The following TTLL11 variants were observed in gnomAD, a reference collection of about 807,000 sequenced individuals.
TTLL11 encodes the protein tubulin polyglutamylase TTLL11.
TTLL11 carries 42 observed loss-of-function variants against 51.7 expected under a neutral mutation model. The ratio of observed to expected loss-of-function variants is 0.81; its 90% CI spans 0.64 to 1.05. TTLL11 has a LOEUF of 1.05. Among genes scored for constraint, TTLL11 ranks in the 50% least tolerant of loss-of-function variants. The pLI, the probability that TTLL11 is intolerant of heterozygous loss-of-function variation, is 0.00. For missense variants in TTLL11, 799 were observed against 940.4 expected, an observed-to-expected ratio of 0.85 and a Z score of 1.97; for synonymous variants, 381 against 383.5, an observed-to-expected ratio of 0.99 and a Z score of 0.08.
intron 6 of TTLL11, among the ~76,000 whole-genome samples, chr9:121,914,438 C>T (rs1191572041): frequency 6.6e-6 from 1 of 152,190 alleles, no homozygotes; most frequent in Non-Finnish European, 1.5e-5. Flanking sequence ...CATGGAATGA[C>T]GGTTGATGAA....
intron 2 of TTLL11, among the ~76,000 whole-genome samples, chr9:122,032,873 C>T (rs1844593752): frequency 6.7e-6 from 1 of 150,264 alleles, no homozygotes; most frequent in Admixed American, 6.6e-5. Context: ...CAGCTCATTG[C>T]AACCTCCACC....
chr9:121,911,714 C>T (rs985457492), intron 6 of TTLL11, among the ~76,000 whole-genome samples: 4 of 152,016 alleles, frequency 2.6e-5, no homozygotes, highest in South Asian at 2.1e-4. Context: ...CGTGTTCTCA[C>T]GGGTGGGAGT....
At chr9:121,977,696 C>T (rs1372175029) in intron 4 of TTLL11, among the ~76,000 whole-genome samples, 2 of 132,118 alleles carry the variant, frequency 1.5e-5, no homozygotes, top group African/African-American at 2.8e-5. Context: ...TTTTTTGAGA[C>T]AGAGTTTCTC....
chr9:121,996,467 A>G (rs1013741950), intron 3 of TTLL11, among the ~76,000 whole-genome samples: 1 of 152,070 alleles, frequency 6.6e-6, no homozygotes, highest in Non-Finnish European at 1.5e-5. Flanking sequence ...ACACACAGAC[A>G]CACACACACA....
chr9:121,917,475 A>AGAAAGAAAATAAAAG (rs1554768583), intron 6 of TTLL11, among the ~76,000 whole-genome samples: 103 of 136,730 alleles, frequency 7.5e-4, no homozygotes, highest in African/African-American at 2.7e-3. Context: ...CACTGTTGAA[A>AGAAAGAAAATAAAAG]GAAAGAAAAG....
chr9:122,062,823 A>G (rs1845473481), intron 1 of TTLL11, among the ~76,000 whole-genome samples: 1 of 152,068 alleles, frequency 6.6e-6, no homozygotes, highest in Non-Finnish European at 1.5e-5. Context: ...TCTATTAGCC[A>G]TGCTGGAGTG....
At position 121,860,066 on chromosome 9, in the gene TTLL11, A is replaced by G. The variant is rs116696161; in HGVS notation, c.1840+271T>C. 4.0e-3 allele frequency among the ~76,000 whole-genome samples: 614 copies of G among 152,360 alleles called. 5 individuals are homozygous for G. Among genetic ancestry groups the G allele is most frequent in the African/African-American group, 0.014 (591 of 41,588 alleles). ...AGCATCTGCTCAGGAAATGTGTGTGAGGGGTGAACAAATGAATGAATAACT... is the reference window on the plus strand; with the variant it reads ...AGCATCTGCTCAGGAAATGTGTGTGGGGGGTGAACAAATGAATGAATAACT... On this transcript the variant is annotated intron_variant, in intron 8 of 8. Transcript: ENST00000321582.
Position 121,845,759 on chromosome 9 carries a change from A to G in TTLL11, c.1840+14578T>C, listed in dbSNP as rs1466994435. 2.0e-5 allele frequency among the ~76,000 whole-genome samples: 3 copies of G among 152,202 alleles called. No homozygotes were observed. The East Asian group carries it at 5.8e-4, about 29-fold the overall frequency. ...AAACTCTAGGATAATGACTATTTTTAAAAAGGAGTATAATTGCTAAGCTAA... is the reference window on the plus strand; with the variant it reads ...AAACTCTAGGATAATGACTATTTTTGAAAAGGAGTATAATTGCTAAGCTAA... On this transcript the variant is annotated intron_variant, in intron 8 of 8. Coordinates refer to ENST00000321582, the MANE Select transcript of TTLL11 (RefSeq NM_001139442.2).
chr9:121,943,316 G>A lies in TTLL11; in HGVS notation c.1481+30693C>T, dbSNP rs138023002. On this transcript the variant is annotated intron_variant, in intron 6 of 8. Transcript: ENST00000321582. ...CCCTTCTCAGAAACAGGCATGAGTA[G>A]CCTGGCTCTTCTTAGGCGTACGGAC... Among the ~76,000 whole-genome samples, 617 of 152,248 alleles carry A rather than the reference G, an allele frequency of 4.1e-3. 4 individuals carry two copies. Among genetic ancestry groups the A allele is most frequent in the Non-Finnish European group, 4.9e-3 (332 of 68,024 alleles).
At chr9:121,940,551 C>T (rs964629398) in intron 6 of TTLL11, among the ~76,000 whole-genome samples, 1 of 151,986 alleles carries the variant, frequency 6.6e-6, no homozygotes, top group Non-Finnish European at 1.5e-5. Flanking sequence ...TTGGGTTTCA[C>T]TATGTCTCGA....
intron 6 of TTLL11, among the ~76,000 whole-genome samples, chr9:121,971,007 CGGGAGGGAGGTGGGGGGGT>C (rs1842531959): frequency 6.1e-5 from 9 of 146,358 alleles, no homozygotes; most frequent in Admixed American, 6.1e-4. Flanking sequence ...CCGCCCCATC[CGGGAGGGAGGTGGGGGGGT>C]CAGCCCCCCG....
intron 3 of TTLL11, among the ~76,000 whole-genome samples, chr9:122,004,170 C>T (rs1227292209): frequency 6.6e-6 from 1 of 151,908 alleles, no homozygotes; most frequent in Non-Finnish European, 1.5e-5. Flanking sequence ...GGTTATCTAA[C>T]CAAAGGGTGA....
intron 1 of TTLL11, among the ~76,000 whole-genome samples, chr9:122,091,644 A>G (rs1010979781): frequency 1.3e-5 from 2 of 152,306 alleles, no homozygotes; most frequent in East Asian, 1.9e-4. Context: ...CATCTACCAT[A>G]GCCAAGGCAC....
chr9:122,072,765 C>T (rs1452378282), intron 1 of TTLL11, among the ~76,000 whole-genome samples: 1 of 152,174 alleles, frequency 6.6e-6, no homozygotes. Context: ...AGATCCAGCT[C>T]AGAGGTGCAT....
intron 1 of TTLL11, among the ~76,000 whole-genome samples, chr9:122,048,231 A>G (rs746613589): frequency 2.6e-5 from 4 of 152,002 alleles, no homozygotes; most frequent in Non-Finnish European, 4.4e-5. Flanking sequence ...CAGTGGTGTG[A>G]TAATAGCTCA....
intron 8 of TTLL11, among the ~76,000 whole-genome samples, chr9:121,851,168 C>T (rs7864517): frequency 6.6e-5 from 10 of 152,000 alleles, no homozygotes; most frequent in Admixed American, 3.9e-4. Flanking sequence ...AAAGATCAGG[C>T]GCTCACGGAG....
intron 6 of TTLL11, among the ~76,000 whole-genome samples, chr9:121,968,973 G>A (rs187157306): frequency 5.9e-4 from 90 of 151,908 alleles, no homozygotes; most frequent in African/African-American, 2.1e-3. Flanking sequence ...AGGTTCAAGC[G>A]ATTCTCCTGC....
intron 6 of TTLL11, among the ~76,000 whole-genome samples, chr9:121,955,338 A>G (rs1227805985): frequency 6.6e-6 from 1 of 152,230 alleles, no homozygotes; most frequent in Non-Finnish European, 1.5e-5. Flanking sequence ...AACAATAGTA[A>G]TAATAAAACT....
intron 7 of TTLL11, 145 bp downstream of exon 7, chr9:121,870,352 C>A: frequency 5.8e-6 from 6 of 1,026,438 alleles, no homozygotes; most frequent in Non-Finnish European, 8.3e-6. Context: ...CATGTGCCAG[C>A]CACTAGGCTA....
Sources: allele counts gnomAD v4.1 joint callset (sites outside exome capture counted in the v4.1 genomes callset), GRCh38; gene constraint gnomAD v4.1.1; transcripts MANE v1.5; gene names NCBI Gene and HGNC (gene_info 2026-07-23, HGNC 2026-07-21).